Variants in CD7 observed in about 807,000 individuals in gnomAD.
The protein encoded by CD7 is CD7 molecule, also known as T-cell antigen CD7.
A neutral mutation model predicts 17.6 loss-of-function variants in CD7; 19 were observed. The observed-to-expected ratio is 1.08, with a 90% CI of 0.75 to 1.58. The LOEUF (loss-of-function observed/expected upper bound fraction) is 1.58, where lower values mean the gene tolerates loss of function less well. Among genes scored for constraint, CD7 ranks in the 40% most tolerant of loss-of-function variants. The probability of loss-of-function intolerance (pLI) is 0.00; values close to 1 mark genes in which losing one functional copy is unlikely to be tolerated. For synonymous variants in CD7, 160 were observed against 159.8 expected (o/e 1.00, Z -0.01); for missense variants, 291 against 327.1 (o/e 0.89, Z 0.85).
At chr17:82,315,935 C>A in intron 3 of CD7, 1 of 616,562 alleles carries the variant, frequency 1.6e-6, no homozygotes, top group Non-Finnish European at 2.9e-6. Flanking sequence ...TCAGAGATCC[C>A]CCCTCAGACA....
rs754608083 is a variant in CD7, at chr17:82,316,314, G to C, written c.493C>G (p.Gln165Glu). ...PPTGSALPDPQTASALPDPPA... is the reference protein window; with the variant it reads ...PPTGSALPDPETASALPDPPA... ...GGGTCAGGGAGGGCAGAGGCTGTCT[G>C]CGGGTCAGGGAGGGCGGAGCCTGTC... The change falls in exon 3 of 4, where the codon CAG (glutamine) becomes GAG (glutamate). Residue 165 changes from glutamine (Q) to glutamate (E), a missense_variant. Coordinates refer to ENST00000312648, the MANE Select transcript of CD7 (RefSeq NM_006137.7). 16 of 1,573,876 alleles carry C rather than the reference G, an allele frequency of 1.0e-5. 1 individual carries two copies. Among genetic ancestry groups the C allele is most frequent in the East Asian group, 2.3e-5 (1 of 43,242 alleles).
At chr17:82,315,532 G>A (rs1675989429) in intron 3 of CD7, 101 bp from the exon 4 acceptor site, 4 of 826,602 alleles carry the variant, frequency 4.8e-6, no homozygotes, top group Non-Finnish European at 7.9e-6. Flanking sequence ...GACCCCCACG[G>A]GGCTCCTCTG....
chr17:82,316,902 C>G lies in CD7; in HGVS notation c.162G>C (p.Leu54=). ...CGAGCTGCCTCAGGTAGATCCCACG[C>G]AGGCCCCCGCTGGTGGAGCAGGTGA... ...VNITCSTSGG[L]RGIYLRQLGP... Residue 54 remains leucine, a synonymous_variant, in exon 2 of 4, where the codon CTG becomes CTC. Coordinates refer to ENST00000312648, the MANE Select transcript of CD7 (RefSeq NM_006137.7). 1 of 1,612,782 alleles carries G rather than the reference C, an allele frequency of 6.2e-7. No individual in the cohort carries two copies. The highest frequency in any genetic ancestry group is 1.1e-5 in the South Asian group (1 of 91,074).
rs1055589488 is a variant in CD7, at chr17:82,317,119, G to A, written c.83-138C>T. Reference sequence around the variant, plus strand: ...TGTCGCCAAAGACACGGTGCCTTACGGGGCATGGAGCAGATCTGGGCACCG... The same window carrying A: ...TGTCGCCAAAGACACGGTGCCTTACAGGGCATGGAGCAGATCTGGGCACCG... On this transcript the variant is annotated intron_variant, in intron 1 of 3. Coordinates refer to ENST00000312648, the MANE Select transcript of CD7 (RefSeq NM_006137.7). 41 of 804,308 alleles carry A rather than the reference G, an allele frequency of 5.1e-5. No individual in the cohort carries two copies. In the East Asian group the frequency reaches 6.2e-4, roughly 12 times the overall value. 49.8% of individuals were successfully genotyped at this position (804,308 alleles called of 1,614,324 possible). A position where few individuals can be genotyped will look rare whatever the true frequency, so the allele number is the denominator to read the frequency against.
In CD7 at chr17:82,316,985, G is replaced by T; in HGVS notation, c.83-4C>A. ...CAGTGGGGAGACTGCTGCACCTCTG[G>T]GGAGGACCTGGGCTGTCACCATCAG... On this transcript the variant is annotated splice_polypyrimidine_tract_variant and splice_region_variant and intron_variant, in intron 1 of 3. Coordinates refer to ENST00000312648, the MANE Select transcript of CD7 (RefSeq NM_006137.7). The T allele has an allele frequency of 1.3e-6, 2 of 1,575,802 alleles. No homozygotes were observed. The highest frequency in any genetic ancestry group is 8.6e-7 in the Non-Finnish European group (1 of 1,164,644).
intron 3 of CD7, chr17:82,315,808 A>C: frequency 1.7e-6 from 1 of 577,862 alleles, no homozygotes; most frequent in Non-Finnish European, 3.1e-6. Context: ...TCCAACATGC[A>C]CGCACAGTCC....
chr17:82,315,005 C>A lies in CD7; in HGVS notation c.*316G>T. The A allele has an allele frequency of 2.9e-6, 1 of 340,984 alleles. No homozygotes were observed. Among genetic ancestry groups the A allele is most frequent in the Non-Finnish European group, 5.7e-6 (1 of 174,172 alleles). The allele number at this position is 340,984 out of a possible 1,614,324, so 21.1% of individuals were successfully genotyped here. The stretch of plus-strand genomic sequence containing the variant: ...CACTGACAGGAGAGGGCCGCGTGCC[C>A]AGGCCCATCCCACAGAAAAGCCCTC... On this transcript the variant is annotated 3_prime_UTR_variant, in exon 4 of 4. Transcript: ENST00000312648.
intron 3 of CD7, chr17:82,315,993 G>T: frequency 1.5e-6 from 1 of 669,398 alleles, no homozygotes. Context: ...CCAGCGCCTG[G>T]GCTGCTCCCT....
chr17:82,315,826 TCC>T (rs1252986370), intron 3 of CD7: 1 of 587,040 alleles, frequency 1.7e-6, no homozygotes, highest in African/African-American at 1.9e-5. Flanking sequence ...TCCTCAGAGA[TCC>T]CCACACACAG....
In CD7 at chr17:82,317,451, C is replaced by A. The variant is rs374780838; in HGVS notation, c.45G>T (p.Ala15=). Reference sequence around the variant, plus strand: ...GGGCCCCAGGCAGGCCGCGAGCCAGCGCCAGAAGCAGGGGCAGCAGCAGGA... The same window carrying A: ...GGGCCCCAGGCAGGCCGCGAGCCAGAGCCAGAAGCAGGGGCAGCAGCAGGA... ...PRLLLLPLLL[A]LARGLPGALA... Residue 15 remains alanine (A), a synonymous_variant, in exon 1 of 4, where the codon GCG becomes GCT. Coordinates refer to ENST00000312648, the MANE Select transcript of CD7 (RefSeq NM_006137.7). 1 of 1,574,116 alleles carries A rather than the reference C, an allele frequency of 6.4e-7. No individual in the cohort carries two copies. The highest frequency in any genetic ancestry group is 2.3e-5 in the East Asian group (1 of 42,910).
chr17:82,317,222 G>T, intron 1 of CD7, 192 bp downstream of exon 1: 1 of 677,140 alleles, frequency 1.5e-6, no homozygotes, highest in Non-Finnish European at 2.5e-6. Flanking sequence ...GGCCCTGCCT[G>T]GACAGCCCCG....
Position 82,317,561 on chromosome 17 carries a change from C to T in CD7, c.-66G>A. On this transcript the variant is annotated 5_prime_UTR_variant, in exon 1 of 4. Transcript: ENST00000312648. ...GAGCCTCTCTGGGTCTACAGGACCC[C>T]ACAGAGAGCAGCACACAGGAGACCG... is the stretch of plus-strand genomic sequence containing the variant. The T allele has an allele frequency of 2.8e-6, 4 of 1,411,824 alleles. No homozygotes were observed. The highest frequency in any genetic ancestry group is 3.8e-6 in the Non-Finnish European group (4 of 1,043,204). The allele number at this position is 1,411,824 out of a possible 1,614,324, so 87.5% of individuals were successfully genotyped here. A position where few individuals can be genotyped will look rare whatever the true frequency, so the allele number is the denominator to read the frequency against.
rs989029846 is a variant in CD7 at position 82,315,247 on chromosome 17, G to T, written c.*74C>A. The T allele has an allele frequency of 1.2e-6, 1 of 837,148 alleles. No homozygotes were observed. Among genetic ancestry groups the T allele is most frequent in the Non-Finnish European group, 1.9e-6 (1 of 535,970 alleles). 51.9% of individuals were successfully genotyped at this position (837,148 alleles called of 1,614,324 possible). On this transcript the variant is annotated 3_prime_UTR_variant, in exon 4 of 4. Transcript: ENST00000312648. ...GGAGGACAGCAGGGTGAGGGGTGTG[G>T]CAGGGTGGGGGGCATGGTGGGGCAG...
intron 2 of CD7, 53 bp downstream of exon 2, chr17:82,316,614 C>A (rs567995292): frequency 6.4e-7 from 1 of 1,563,342 alleles, no homozygotes; most frequent in Non-Finnish European, 8.7e-7. Flanking sequence ...GGGAGCAGAG[C>A]CTGGCCAGCA....
In CD7 at chr17:82,317,545, T is replaced by C; in HGVS notation, c.-50A>G. 6.7e-7 allele frequency: 1 copy of C among 1,501,948 alleles called. No homozygotes were observed. The highest frequency in any genetic ancestry group is 9.0e-7 in the Non-Finnish European group (1 of 1,113,644). 93.0% of individuals were successfully genotyped at this position (1,501,948 alleles called of 1,614,324 possible). A position where few individuals can be genotyped will look rare whatever the true frequency, so the allele number is the denominator to read the frequency against. ...CCGGGCGAGTGCAGCTGAGCCTCTCTGGGTCTACAGGACCCCACAGAGAGC... is the reference window on the plus strand; with the variant it reads ...CCGGGCGAGTGCAGCTGAGCCTCTCCGGGTCTACAGGACCCCACAGAGAGC... On this transcript the variant is annotated 5_prime_UTR_variant, in exon 1 of 4. Transcript: ENST00000312648.
chr17:82,315,715 A>G, intron 3 of CD7: 1 of 539,206 alleles, frequency 1.9e-6, no homozygotes, highest in East Asian at 3.2e-5. Flanking sequence ...AACAGCAGGG[A>G]CCGAGGGGAG....
chr17:82,315,056 CA>C lies in CD7; in HGVS notation c.*264del. The C allele has an allele frequency of 2.3e-6, 1 of 436,832 alleles. No homozygotes were observed. The allele number at this position is 436,832 out of a possible 1,614,324, so 27.1% of individuals were successfully genotyped here. A position where few individuals can be genotyped will look rare whatever the true frequency, so the allele number is the denominator to read the frequency against. The stretch of plus-strand genomic sequence containing the variant: ...CTTGGCCATGGTCGGGAGATGCAGC[CA>C]AAGGACAGTCAGGCTTCCTCCCGGT... On this transcript the variant is annotated 3_prime_UTR_variant, in exon 4 of 4. Transcript: ENST00000312648.
intron 3 of CD7, chr17:82,315,831 A>C (rs1362887342): frequency 3.4e-6 from 2 of 587,996 alleles, no homozygotes; most frequent in African/African-American, 3.7e-5. Flanking sequence ...AGAGATCCCC[A>C]CACACAGGCT....
chr17:82,317,048 G>T, intron 1 of CD7, 67 bp from the exon 2 acceptor site: 1 of 1,402,492 alleles, frequency 7.1e-7, no homozygotes. Context: ...CCCTGCAGGG[G>T]ACAGTGGTGG....
Sources: allele counts gnomAD v4.1 joint callset, GRCh38; gene constraint gnomAD v4.1.1; transcripts MANE v1.5; gene names NCBI Gene and HGNC (gene_info 2026-07-23, HGNC 2026-07-21).